BMP6: variants seen among roughly 807,000 people sequenced by gnomAD.
The protein encoded by BMP6 is bone morphogenetic protein 6.
In BMP6, 17 loss-of-function variants were observed where a neutral mutation model predicts 54.1. That is an observed-to-expected ratio of 0.31 (90% CI 0.22 to 0.47). BMP6 has a LOEUF of 0.47. Ranked by LOEUF, BMP6 falls within the 20% of genes least tolerant of loss-of-function variation. The pLI, the probability that BMP6 is intolerant of heterozygous loss-of-function variation, is 1.00. For synonymous variants in BMP6, 328 were observed against 291.2 expected, an observed-to-expected ratio of 1.13 and a Z score of -1.28; for missense variants, 720 against 690.4, an observed-to-expected ratio of 1.04 and a Z score of -0.48.
At chr6:7,874,706 C>T (rs776899951) in intron 4 of BMP6, among the ~76,000 whole-genome samples, 6 of 152,130 alleles carry the variant, frequency 3.9e-5, no homozygotes, top group Non-Finnish European at 8.8e-5. Context: ...CATGATCACA[C>T]CACTGCACTC....
intron 1 of BMP6, among the ~76,000 whole-genome samples, chr6:7,816,736 G>GATTGTT (rs1758533461): frequency 6.6e-6 from 1 of 151,974 alleles, no homozygotes; most frequent in South Asian, 2.1e-4. Context: ...TTTTGGTAGT[G>GATTGTT]ATTGTTTTTT....
rs909733732 is a variant in BMP6 at position 7,880,228 on chromosome 6, C to T, written c.1427C>T (p.Pro476Leu). The T allele has an allele frequency of 7.4e-6, 12 of 1,614,014 alleles. No homozygotes were observed. Among genetic ancestry groups the T allele is most frequent in the Admixed American group, 1.7e-5 (1 of 59,992 alleles). Reference sequence around the variant, plus strand: ...ATGAACCCCGAGTATGTCCCCAAACCGTGCTGTGCGCCAACTAAGCTAAAT... The same window carrying T: ...ATGAACCCCGAGTATGTCCCCAAACTGTGCTGTGCGCCAACTAAGCTAAAT... ...HLMNPEYVPK[P>L]CCAPTKLNAI... The change falls in exon 7 of 7, where the codon CCG (proline) becomes CTG (leucine). Residue 476 changes from proline (P) to leucine (L), a missense_variant. Pro to Leu is a moderately conservative substitution (Grantham distance 98). This residue lies in a region of BMP6 where 43 missense variants were observed against 54.0 expected (regional missense o/e 0.80). Coordinates refer to ENST00000283147, the MANE Select transcript of BMP6 (RefSeq NM_001718.6).
At chr6:7,821,783 C>T (rs971473007) in intron 1 of BMP6, among the ~76,000 whole-genome samples, 1 of 152,148 alleles carries the variant, frequency 6.6e-6, no homozygotes, top group Non-Finnish European at 1.5e-5. Context: ...GGCTTACTGT[C>T]AGGAGTCAAT....
intron 1 of BMP6, among the ~76,000 whole-genome samples, chr6:7,746,951 G>A (rs1240486242): frequency 1.3e-5 from 2 of 152,190 alleles, no homozygotes; most frequent in South Asian, 2.1e-4. Flanking sequence ...TCCAGGTAGC[G>A]TGAGAGAGAG....
At chr6:7,790,908 C>T (rs1758093845) in intron 1 of BMP6, among the ~76,000 whole-genome samples, 1 of 152,222 alleles carries the variant, frequency 6.6e-6, no homozygotes, top group Admixed American at 6.5e-5. Flanking sequence ...ACTTATCTCC[C>T]TTTCCATTTG....
At chr6:7,833,963 G>A (rs1351471284) in intron 1 of BMP6, among the ~76,000 whole-genome samples, 1 of 152,082 alleles carries the variant, frequency 6.6e-6, no homozygotes, top group Non-Finnish European at 1.5e-5. Context: ...ACGGGCTCAG[G>A]GACAGCTTTC....
chr6:7,859,170 G>T (rs1165835635), intron 2 of BMP6, among the ~76,000 whole-genome samples: 1 of 151,814 alleles, frequency 6.6e-6, no homozygotes, highest in Non-Finnish European at 1.5e-5. Context: ...TTCTCTTTCT[G>T]CTCTTCTCTG....
At chr6:7,872,999 A>G (rs1759554041) in intron 4 of BMP6, among the ~76,000 whole-genome samples, 1 of 151,846 alleles carries the variant, frequency 6.6e-6, no homozygotes. Context: ...TTGTAGAGAC[A>G]GGGTCTGTGT....
At chr6:7,828,631 C>G (rs1758740292) in intron 1 of BMP6, among the ~76,000 whole-genome samples, 2 of 152,238 alleles carry the variant, frequency 1.3e-5, no homozygotes, top group East Asian at 3.9e-4. Flanking sequence ...CCTCATTCAA[C>G]AGACATATAC....
chr6:7,780,410 G>A (rs1757925001), intron 1 of BMP6, among the ~76,000 whole-genome samples: 1 of 152,124 alleles, frequency 6.6e-6, no homozygotes, highest in Non-Finnish European at 1.5e-5. Context: ...TTAGCCGGAT[G>A]TGGTGGCTGG....
chr6:7,847,033 AAG>A (rs1385425434), intron 2 of BMP6, among the ~76,000 whole-genome samples: 1 of 152,222 alleles, frequency 6.6e-6, no homozygotes, highest in Non-Finnish European at 1.5e-5. Context: ...TGTTTTAAAA[AAG>A]AGAGAGAGAA....
intron 1 of BMP6, among the ~76,000 whole-genome samples, chr6:7,810,646 C>A (rs938661031): frequency 2.0e-5 from 3 of 152,164 alleles, no homozygotes; most frequent in Non-Finnish European, 4.4e-5. Context: ...TGAAAATTAA[C>A]CAAAGGATCT....
At position 7,726,110 on chromosome 6, in the gene BMP6, G is replaced by C. The variant is rs762640570; in HGVS notation, c.-846G>C. ...GCCGGGCGCGCAGCAGAAAGCCCAC[G>C]TTGGCCGCTGCGGGGAGCGCGGCGT... On this transcript the variant is annotated 5_prime_UTR_variant, in exon 1 of 7. Coordinates refer to ENST00000283147, the MANE Select transcript of BMP6 (RefSeq NM_001718.6). 2.6e-5 allele frequency among the ~76,000 whole-genome samples: 4 copies of C among 152,248 alleles called. No homozygotes were observed. The highest frequency in any genetic ancestry group is 5.9e-5 in the Non-Finnish European group (4 of 68,044).
chr6:7,809,932 C>T (rs1434073661), intron 1 of BMP6, among the ~76,000 whole-genome samples: 1 of 131,804 alleles, frequency 7.6e-6, no homozygotes, highest in Non-Finnish European at 1.6e-5. Flanking sequence ...GCCAAAATCT[C>T]TTGTACAAAG....
At chr6:7,748,164 G>A (rs1348026211) in intron 1 of BMP6, among the ~76,000 whole-genome samples, 5 of 127,954 alleles carry the variant, frequency 3.9e-5, no homozygotes, top group African/African-American at 1.4e-4. Context: ...CTTAGAGAGT[G>A]TTTGGTTTTC....
At chr6:7,833,785 C>T (rs1011832240) in intron 1 of BMP6, among the ~76,000 whole-genome samples, 10 of 152,188 alleles carry the variant, frequency 6.6e-5, no homozygotes, top group Admixed American at 1.3e-4. Context: ...GAGTTTATAA[C>T]GTCTTTAGGA....
intron 4 of BMP6, among the ~76,000 whole-genome samples, chr6:7,875,133 G>A (rs770385312): frequency 6.6e-6 from 1 of 152,054 alleles, no homozygotes; most frequent in African/African-American, 2.4e-5. Flanking sequence ...TACTGGGGAG[G>A]GCTGCTGGTA....
At chr6:7,807,291 T>A (rs1758360789) in intron 1 of BMP6, among the ~76,000 whole-genome samples, 1 of 152,006 alleles carries the variant, frequency 6.6e-6, no homozygotes, top group Non-Finnish European at 1.5e-5. Context: ...TTTGTTTGTT[T>A]GTTTTTGTTT....
chr6:7,733,801 C>T (rs1008946962), intron 1 of BMP6, among the ~76,000 whole-genome samples: 13 of 152,194 alleles, frequency 8.5e-5, no homozygotes, highest in Non-Finnish European at 1.5e-4. Flanking sequence ...AGTCGGAAAA[C>T]GGCACTAGTC....
Sources: gnomAD v4.1 joint callset for allele counts (sites outside exome capture counted in the v4.1 genomes callset) on GRCh38, gnomAD v4.1.1 for gene constraint, gnomAD v4.1.1 regional missense constraint, MANE v1.5 for transcripts, NCBI Gene and HGNC (gene_info 2026-07-23, HGNC 2026-07-21) for gene names.